Variants in TACC1 observed in about 807,000 individuals in gnomAD.
TACC1 encodes the protein transforming acidic coiled-coil-containing protein 1.
In TACC1, 48 loss-of-function variants were observed where a neutral mutation model predicts 84.4. The observed-to-expected ratio is 0.57, with a 90% CI of 0.45 to 0.72. The LOEUF (loss-of-function observed/expected upper bound fraction) is 0.72, where lower values mean the gene tolerates loss of function less well. Ranked by LOEUF, TACC1 falls within the 30% of genes least tolerant of loss-of-function variation. The pLI is 0.00. For synonymous variants in TACC1, 372 were observed against 376.3 expected, an observed-to-expected ratio of 0.99 and a Z score of 0.13; for missense variants, 920 against 973.0, an observed-to-expected ratio of 0.95 and a Z score of 0.72.
At chr8:38,750,982 G>A (rs536304947) in intron 3 of TACC1, among the ~76,000 whole-genome samples, 5 of 152,164 alleles carry the variant, frequency 3.3e-5, no homozygotes, top group Admixed American at 6.5e-5. Context: ...TAGCCACATC[G>A]TTTTGAAAGA....
At position 38,734,833 on chromosome 8, in the gene TACC1, CT is replaced by C. The variant is rs1214148112; in HGVS notation, c.-675+6163del. Among the ~76,000 whole-genome samples the C allele has an allele frequency of 3.3e-5, 5 of 152,258 alleles. No homozygotes were observed. In the East Asian group the frequency reaches 7.7e-4, roughly 23 times the overall value. ...AACAAGCAAGGGTGCCTGCGGCCTG[CT>C]GACGCAGGCTGGCGGGGAGTGGCTT... On this transcript the variant is annotated intron_variant, in intron 1 of 14. Coordinates refer to the TACC1 transcript ENST00000518415.
intron 6 of TACC1, among the ~76,000 whole-genome samples, chr8:38,832,221 C>T (rs1829403843): frequency 1.3e-5 from 2 of 152,184 alleles, no homozygotes; most frequent in South Asian, 2.1e-4. Context: ...GAAATGACAA[C>T]GTGAAAGATT....
At chr8:38,776,937 C>A (rs1046949706) in intron 3 of TACC1, among the ~76,000 whole-genome samples, 1 of 152,082 alleles carries the variant, frequency 6.6e-6, no homozygotes, top group Non-Finnish European at 1.5e-5. Context: ...TACAAAGGGG[C>A]CCAGTGACAC....
intron 3 of TACC1, chr8:38,757,240 C>T: frequency 4.6e-6 from 3 of 645,450 alleles, no homozygotes; most frequent in Non-Finnish European, 6.1e-6. Flanking sequence ...CCCCACCCTT[C>T]CTCCCGCCCC....
chr8:38,731,641 G>A (rs1230330638), intron 1 of TACC1, among the ~76,000 whole-genome samples: 2 of 152,162 alleles, frequency 1.3e-5, no homozygotes, highest in African/African-American at 4.8e-5. Context: ...GCTGGGGAGA[G>A]GAGGATTGTG....
At chr8:38,783,112 A>C (rs867245071), upstream of TACC1, among the ~76,000 whole-genome samples, 3,087 of 134,446 alleles carry the variant, frequency 0.023, 97 homozygotes, top group African/African-American at 0.086. Flanking sequence ...CTATCTATAT[A>C]TATATATATA....
chr8:38,817,826 A>T lies in TACC1; in HGVS notation c.278-1696A>T, dbSNP rs113832379. 2.1e-3 allele frequency among the ~76,000 whole-genome samples: 311 copies of T among 145,334 alleles called. 6 individuals are homozygous for T. Among genetic ancestry groups the T allele is most frequent in the African/African-American group, 7.3e-3 (290 of 39,838 alleles). On this transcript the variant is annotated intron_variant, in intron 2 of 12. Transcript: ENST00000317827. ...AATCCCAGCTACTTGGGCAGCTGAG[A>T]TGGGAGAATTGCTTGAGCCCCAGAG...
intron 2 of TACC1, among the ~76,000 whole-genome samples, chr8:38,818,543 C>A (rs890488859): frequency 2.7e-4 from 41 of 152,180 alleles, no homozygotes; most frequent in Admixed American, 1.7e-3. Context: ...CCTGGTCCGA[C>A]TTAGAGACAG....
At chr8:38,829,193 A>G (rs1354448070) in intron 5 of TACC1, among the ~76,000 whole-genome samples, 1 of 152,224 alleles carries the variant, frequency 6.6e-6, no homozygotes, top group Non-Finnish European at 1.5e-5. Context: ...GCTTTTATGT[A>G]TAGAATTTTA....
chr8:38,798,968 C>G (rs945264949), intron 2 of TACC1, among the ~76,000 whole-genome samples: 1 of 152,156 alleles, frequency 6.6e-6, no homozygotes, highest in Non-Finnish European at 1.5e-5. Context: ...ATCAGAGAGA[C>G]TGGGAACCCA....
chr8:38,748,171 G>C (rs1387305097), intron 3 of TACC1, among the ~76,000 whole-genome samples: 1 of 151,926 alleles, frequency 6.6e-6, no homozygotes, highest in African/African-American at 2.4e-5. Flanking sequence ...GGCTACATTA[G>C]TATCAAATAA....
In TACC1 at chr8:38,819,850, G is replaced by T. The variant is rs748195484; in HGVS notation, c.606G>T (p.Gly202=). Residue 202 remains glycine, a synonymous_variant, in exon 3 of 13, where the codon GGG becomes GGT. Transcript: ENST00000317827. ...AGGCGATGACAGAAGGCAGCATGGG[G>T]GTCACCCTCGAGGCCTCCGCAGAAG... ...QDEAMTEGSM[G]VTLEASAEAD... The T allele has an allele frequency of 4.3e-6, 7 of 1,613,916 alleles. No individual in the cohort carries two copies. The highest frequency in any genetic ancestry group is 1.6e-4 in the Middle Eastern group (1 of 6,062).
intron 3 of TACC1, chr8:38,757,405 A>G: frequency 8.0e-7 from 1 of 1,248,908 alleles, no homozygotes; most frequent in Non-Finnish European, 1.0e-6. Flanking sequence ...ACCCACGGAG[A>G]CCGCGTGAGT....
chr8:38,801,354 C>T (rs115758117), intron 2 of TACC1, among the ~76,000 whole-genome samples: 4,520 of 152,288 alleles, frequency 0.03, 213 homozygotes, highest in African/African-American at 0.1. Flanking sequence ...TGAGCTCTTA[C>T]ATTTAGATTT....
intron 6 of TACC1, among the ~76,000 whole-genome samples, chr8:38,834,992 G>A (rs1282034678): frequency 6.6e-6 from 1 of 152,100 alleles, no homozygotes. Flanking sequence ...GGTGGCTCAC[G>A]CCTGTAATCC....
At chr8:38,787,142 CCGCG>C (rs953562607), upstream of TACC1, 3 of 981,372 alleles carry the variant, frequency 3.1e-6, no homozygotes, top group African/African-American at 5.3e-5. Context: ...GCCGCCGCCC[CCGCG>C]CGCGCGCGCG....
intron 1 of TACC1, among the ~76,000 whole-genome samples, chr8:38,740,717 A>G (rs989987524): frequency 6.6e-6 from 1 of 152,194 alleles, no homozygotes; most frequent in African/African-American, 2.4e-5. Context: ...GGCAGGTACC[A>G]TTCTTTTATT....
intron 3 of TACC1, among the ~76,000 whole-genome samples, chr8:38,778,274 TTGTGTGTG>T (rs3076914): frequency 2.7e-5 from 4 of 148,360 alleles, no homozygotes; most frequent in East Asian, 4.0e-4. Context: ...ATAATTAAAA[TTGTGTGTG>T]TGTGTGTGTG....
Position 38,812,406 on chromosome 8 carries a change from G to T in TACC1, c.278-7116G>T, listed in dbSNP as rs754493158. Among the ~76,000 whole-genome samples, 102 of 152,256 alleles carry T rather than the reference G, an allele frequency of 6.7e-4. 1 individual carries two copies. The Middle Eastern group carries it at 0.01, about 15-fold the overall frequency. On this transcript the variant is annotated intron_variant, in intron 2 of 12. Coordinates refer to ENST00000317827, the MANE Select transcript of TACC1 (RefSeq NM_006283.3). ...TGATGTCACCCCCGGCGGCGGCCCA[G>T]CTGTAAAATTCCTCTCTTTATACTC...
Sources: gnomAD v4.1 joint callset for allele counts (sites outside exome capture counted in the v4.1 genomes callset) on GRCh38, gnomAD v4.1.1 for gene constraint, MANE v1.5 for transcripts, NCBI Gene and HGNC (gene_info 2026-07-23, HGNC 2026-07-21) for gene names.